The following CLYBL variants were observed in gnomAD, a reference collection of about 807,000 sequenced individuals.
The protein encoded by CLYBL is citramalyl-CoA lyase.
In CLYBL, 31 loss-of-function variants were observed where a neutral mutation model predicts 38.9. That is an observed-to-expected ratio of 0.80 (90% confidence interval 0.60 to 1.08). The LOEUF (loss-of-function observed/expected upper bound fraction) is 1.08. CLYBL is among the 50% of genes least tolerant of loss of function. The pLI is 0.00. For missense variants in CLYBL, 434 were observed against 411.6 expected, an observed-to-expected ratio of 1.05 and a Z score of -0.47; for synonymous variants, 171 against 158.6, an observed-to-expected ratio of 1.08 and a Z score of -0.59.
At chr13:99,687,452 A>G (rs956657551) in intron 1 of CLYBL, among the ~76,000 whole-genome samples, 5 of 152,212 alleles carry the variant, frequency 3.3e-5, no homozygotes, top group Admixed American at 2.0e-4. Context: ...AGGGACCCAT[A>G]GCTAGTCAGC....
At chr13:99,742,964 CTCT>C (rs1448766791) in intron 1 of CLYBL, among the ~76,000 whole-genome samples, 1 of 152,058 alleles carries the variant, frequency 6.6e-6, no homozygotes, top group East Asian at 1.9e-4. Flanking sequence ...TTTGCTAGCC[CTCT>C]TCTTTTCTTC....
Position 99,800,891 on chromosome 13 carries a change from CAACAAAAAAAAAA to C in CLYBL, c.249+27897_249+27909del, listed in dbSNP as rs1448591115. 1.7e-3 allele frequency among the ~76,000 whole-genome samples: 211 copies of C among 123,076 alleles called. 1 individual carries two copies. The highest frequency in any genetic ancestry group is 6.6e-3 in the African/African-American group (204 of 30,828). 80.7% of individuals were successfully genotyped at this position (123,076 alleles called of 152,430 possible). On this transcript the variant is annotated intron_variant, in intron 2 of 8. Transcript: ENST00000339105. ...CCTGTCTCAAATTAAAAAACAACAA[CAACAAAAAAAAAA>C]AACAAAAAAAAAAAAACGTAATTGG...
intron 2 of CLYBL, among the ~76,000 whole-genome samples, chr13:99,794,694 C>T (rs531752669): frequency 1.4e-4 from 21 of 151,560 alleles, no homozygotes; most frequent in Non-Finnish European, 2.7e-4. Flanking sequence ...TGAGTTCAAC[C>T]AATTCTCATG....
At chr13:99,626,944 A>G (rs2046878265) in intron 1 of CLYBL, among the ~76,000 whole-genome samples, 1 of 149,650 alleles carries the variant, frequency 6.7e-6, no homozygotes, top group Non-Finnish European at 1.5e-5. Context: ...CACTTGCAGG[A>G]TTGTCTGCAG....
Position 99,649,061 on chromosome 13 carries a change from T to G in CLYBL, c.62+42304T>G, listed in dbSNP as rs145217571. ...GTGAAAAAAAGCCCTGGAACGTAAA[T>G]CATTTTTCTCGGACAGCCAATGTGT... On this transcript the variant is annotated intron_variant, in intron 1 of 8. Coordinates refer to ENST00000339105, the MANE Select transcript of CLYBL (RefSeq NM_206808.5). Among the ~76,000 whole-genome samples the G allele has an allele frequency of 3.1e-3, 477 of 152,052 alleles. 3 individuals carry two copies. Among genetic ancestry groups the G allele is most frequent in the African/African-American group, 0.011 (461 of 41,464 alleles).
rs145501797 is a variant in CLYBL at position 99,759,588 on chromosome 13, A to G, written c.63-13236A>G. 1.3e-3 allele frequency among the ~76,000 whole-genome samples: 197 copies of G among 151,956 alleles called. 1 individual carries two copies. Among genetic ancestry groups the G allele is most frequent in the African/African-American group, 4.6e-3 (189 of 41,462 alleles). On this transcript the variant is annotated intron_variant, in intron 1 of 8. Transcript: ENST00000339105. ...GATGTGAGACCACCCCCACCCCCTCAGAGAGCTCATGCTCTAGGTAAGGAT... is the reference window on the plus strand; with the variant it reads ...GATGTGAGACCACCCCCACCCCCTCGGAGAGCTCATGCTCTAGGTAAGGAT...
intron 2 of CLYBL, among the ~76,000 whole-genome samples, chr13:99,812,741 G>C (rs536510073): frequency 2.6e-5 from 4 of 152,260 alleles, no homozygotes; most frequent in Non-Finnish European, 5.9e-5. Context: ...AACACCAGCC[G>C]GTTAACTGGG....
intron 2 of CLYBL, among the ~76,000 whole-genome samples, chr13:99,824,910 T>G (rs2050664618): frequency 6.6e-6 from 1 of 151,988 alleles, no homozygotes; most frequent in African/African-American, 2.4e-5. Flanking sequence ...GTTTTTCACT[T>G]TATGGAATAG....
chr13:99,812,989 C>T (rs1031893492), intron 2 of CLYBL, among the ~76,000 whole-genome samples: 6 of 152,224 alleles, frequency 3.9e-5, no homozygotes, highest in African/African-American at 1.2e-4. Flanking sequence ...TTTTTGCATG[C>T]ATCTGTTCAC....
At chr13:99,805,202 T>C (rs2050208223) in intron 2 of CLYBL, among the ~76,000 whole-genome samples, 1 of 152,192 alleles carries the variant, frequency 6.6e-6, no homozygotes, top group Admixed American at 6.5e-5. Context: ...TCGGCTGTTG[T>C]AAATATTGTT....
chr13:99,835,147 C>T (rs997970258), intron 2 of CLYBL, among the ~76,000 whole-genome samples: 5 of 152,230 alleles, frequency 3.3e-5, no homozygotes, highest in African/African-American at 9.6e-5. Context: ...TTCTCACCGT[C>T]GCCTCTACCC....
chr13:99,702,854 C>T (rs1030810805), intron 1 of CLYBL, among the ~76,000 whole-genome samples: 26 of 152,162 alleles, frequency 1.7e-4, no homozygotes, highest in African/African-American at 5.3e-4. Context: ...TATCTAAGCA[C>T]GTTGCTCTGC....
chr13:99,706,551 T>C (rs2048149527), intron 1 of CLYBL, among the ~76,000 whole-genome samples: 3 of 152,070 alleles, frequency 2.0e-5, no homozygotes, highest in Admixed American at 2.0e-4. Context: ...ATCAATAGAG[T>C]ATTACGGAAG....
chr13:99,711,368 C>T (rs542619134), intron 1 of CLYBL, among the ~76,000 whole-genome samples: 3 of 146,944 alleles, frequency 2.0e-5, no homozygotes, highest in Admixed American at 6.7e-5. Flanking sequence ...CTTCTCACTG[C>T]GTCCTCATAT....
chr13:99,819,362 C>T (rs1473291073), intron 2 of CLYBL, among the ~76,000 whole-genome samples: 1 of 134,314 alleles, frequency 7.4e-6, no homozygotes, highest in Non-Finnish European at 1.6e-5. Flanking sequence ...ATTAATAGAC[C>T]CTCAGTCACC....
chr13:99,786,072 T>G (rs1359287451), intron 2 of CLYBL, among the ~76,000 whole-genome samples: 4 of 152,128 alleles, frequency 2.6e-5, no homozygotes, highest in East Asian at 1.9e-4. Flanking sequence ...AAGGTTAATA[T>G]TCAGTGTAAA....
intron 1 of CLYBL, among the ~76,000 whole-genome samples, chr13:99,620,438 G>T (rs899394340): frequency 1.3e-5 from 2 of 152,194 alleles, no homozygotes; most frequent in African/African-American, 4.8e-5. Flanking sequence ...AAAACAAGCA[G>T]TGCTGATGTC....
chr13:99,776,570 T>C (rs1026909526), intron 2 of CLYBL, among the ~76,000 whole-genome samples: 2 of 151,038 alleles, frequency 1.3e-5, no homozygotes, highest in South Asian at 2.1e-4. Context: ...ATATTTCACA[T>C]CATAGCCCTA....
intron 7 of CLYBL, among the ~76,000 whole-genome samples, chr13:99,877,973 A>C (rs1434325998): frequency 6.6e-6 from 1 of 151,264 alleles, no homozygotes; most frequent in African/African-American, 2.4e-5. Flanking sequence ...AGTGGGCCTC[A>C]AAAAAAAAGT....
Sources: allele counts gnomAD v4.1 joint callset (sites outside exome capture counted in the v4.1 genomes callset), GRCh38; gene constraint gnomAD v4.1.1; transcripts MANE v1.5; gene names NCBI Gene and HGNC (gene_info 2026-07-23, HGNC 2026-07-21).